PCDHGB7: variants seen among roughly 807,000 people sequenced by gnomAD.
The protein encoded by PCDHGB7 is protocadherin gamma subfamily B, 7.
A neutral mutation model predicts 61.4 loss-of-function variants in PCDHGB7; 37 were observed. The ratio of observed to expected loss-of-function variants is 0.60; its 90% CI spans 0.46 to 0.79. The LOEUF (loss-of-function observed/expected upper bound fraction) is 0.79, where lower values mean the gene tolerates loss of function less well. PCDHGB7 is among the 30% of genes least tolerant of loss of function. PCDHGB7 has a pLI of 0.00. For missense variants in PCDHGB7, 1,166 were observed against 1,202.5 expected (o/e 0.97, Z 0.45); for synonymous variants, 464 against 503.5 (o/e 0.92, Z 1.05).
rs1462731893 is a variant in PCDHGB7, at chr5:141,417,905, G to A, written c.46G>A (p.Val16Ile). The change falls in exon 1 of 4, where the codon GTA becomes ATA. Residue 16 changes from valine to isoleucine, a missense_variant. By Grantham distance (29) the Val-to-Ile change is conservative. Coordinates refer to ENST00000398594, the MANE Select transcript of PCDHGB7 (RefSeq NM_018927.4). ...AQRRRAGPRQ[V>I]LFPLLLPLFY... ...GAGGCGCCGGGCCGGCCCGCGGCAGGTACTATTTCCTTTGCTGCTGCCTTT... is the reference window on the plus strand; with the variant it reads ...GAGGCGCCGGGCCGGCCCGCGGCAGATACTATTTCCTTTGCTGCTGCCTTT... 1 of 1,593,646 alleles carries A rather than the reference G, an allele frequency of 6.3e-7. No homozygotes were observed. The highest frequency in any genetic ancestry group is 1.8e-5 in the Admixed American group (1 of 55,472).
Position 141,486,662 on chromosome 5 carries a change from C to T in PCDHGB7, c.2416-8145C>T. 6.2e-7 allele frequency: 1 copy of T among 1,613,970 alleles called. No homozygotes were observed. The highest frequency in any genetic ancestry group is 1.1e-5 in the South Asian group (1 of 91,086). ...GCTTATCTCCTACTCACTCCTGGAG[C>T]CCAGGAATCGAGATGTATCAGCTTC... On this transcript the variant is annotated intron_variant, in intron 1 of 3. Coordinates refer to ENST00000398594, the MANE Select transcript of PCDHGB7 (RefSeq NM_018927.4). The surrounding 1 kb of genome is among the most constrained non-coding windows in gnomAD (Gnocchi z 5.0).
In PCDHGB7 at chr5:141,438,327, A is replaced by G. The variant is rs369043587; in HGVS notation, c.2415+18053A>G. 1.5e-4 allele frequency among the ~76,000 whole-genome samples: 23 copies of G among 152,106 alleles called. No homozygotes were observed. The East Asian group carries it at 4.1e-3, about 27-fold the overall frequency. ...TTGGTACCACCATAATTTTTCTTAT[A>G]CATGTCATATAAGGATCTACTCTGT... On this transcript the variant is annotated intron_variant, in intron 1 of 3. Transcript: ENST00000398594.
chr5:141,464,519 A>G (rs974292961), intron 1 of PCDHGB7, among the ~76,000 whole-genome samples: 21 of 152,058 alleles, frequency 1.4e-4, no homozygotes, highest in African/African-American at 4.1e-4. Context: ...AGGTAAAGGC[A>G]TATGTAGTTT....
intron 1 of PCDHGB7, chr5:141,423,450 T>G (rs571358720): frequency 1.2e-6 from 2 of 1,614,050 alleles, no homozygotes; most frequent in East Asian, 4.5e-5. Flanking sequence ...CGTCACATTT[T>G]GTAGGCGTGG....
At position 141,419,674 on chromosome 5, in the gene PCDHGB7, C is replaced by T. The variant is rs372932653; in HGVS notation, c.1815C>T (p.Ser605=). ...DADSGHNAWL[S]YHVVQASEPG... is the part of the protein sequence containing the mutation. ...ACTCGGGGCACAATGCCTGGCTGTC[C>T]TACCACGTGGTGCAGGCCAGTGAGC... Residue 605 remains serine (S), a synonymous_variant, in exon 1 of 4, where the codon TCC becomes TCT. Transcript: ENST00000398594. The T allele has an allele frequency of 3.0e-5, 48 of 1,612,820 alleles. No homozygotes were observed. The highest frequency in any genetic ancestry group is 3.7e-5 in the Non-Finnish European group (44 of 1,179,700).
Position 141,485,741 on chromosome 5 carries a change from C to A in PCDHGB7, c.2416-9066C>A. 6.2e-7 allele frequency: 1 copy of A among 1,614,180 alleles called. No homozygotes were observed. Among genetic ancestry groups the A allele is most frequent in the Non-Finnish European group, 8.5e-7 (1 of 1,179,992 alleles). On this transcript the variant is annotated intron_variant, in intron 1 of 3. Coordinates refer to ENST00000398594, the MANE Select transcript of PCDHGB7 (RefSeq NM_018927.4). This position sits in a 1 kb window ranked among gnomAD's most constrained non-coding sequence, Gnocchi z 5.7. ...TGTGAAGAAGCGCAGCGACGGCAGC[C>A]TGGTCCCAGAGCTGCTCCTGGAGAA...
chr5:141,485,826 G>A lies in PCDHGB7; in HGVS notation c.2416-8981G>A. The A allele has an allele frequency of 6.2e-7, 1 of 1,614,070 alleles. No individual in the cohort carries two copies. Among genetic ancestry groups the A allele is most frequent in the South Asian group, 1.1e-5 (1 of 91,078 alleles). Reference sequence around the variant, plus strand: ...CTGGTGCTGACTGCTGTCGATGGAGGGAACCCGCCGAGATCTGGCACCGCA... The same window carrying A: ...CTGGTGCTGACTGCTGTCGATGGAGAGAACCCGCCGAGATCTGGCACCGCA... On this transcript the variant is annotated intron_variant, in intron 1 of 3. Transcript: ENST00000398594. The surrounding 1 kb of genome is among the most constrained non-coding windows in gnomAD (Gnocchi z 5.7).
chr5:141,441,789 A>G (rs889545483), intron 1 of PCDHGB7: 4 of 391,886 alleles, frequency 1.0e-5, no homozygotes, highest in Middle Eastern at 6.4e-4. Context: ...CCTGAATGAC[A>G]ACGCACCGCG....
At chr5:141,436,327 C>T (rs1384222077) in intron 1 of PCDHGB7, among the ~76,000 whole-genome samples, 1 of 152,098 alleles carries the variant, frequency 6.6e-6, no homozygotes, top group Admixed American at 6.5e-5. Flanking sequence ...ACTGTTAGAC[C>T]ATATCTCAAA....
Position 141,486,772 on chromosome 5 carries a change from T to A in PCDHGB7, c.2416-8035T>A. ...ATGAGCAAACCCAGACACTGCAGTT[T>A]GAGGTGCAGGCCCGGGATCGGGGCA... is the stretch of plus-strand genomic sequence containing the variant. On this transcript the variant is annotated intron_variant, in intron 1 of 3. Coordinates refer to ENST00000398594, the MANE Select transcript of PCDHGB7 (RefSeq NM_018927.4). The surrounding 1 kb of genome is among the most constrained non-coding windows in gnomAD (Gnocchi z 5.0). 1 of 1,614,246 alleles carries A rather than the reference T, an allele frequency of 6.2e-7. No homozygotes were observed. Among genetic ancestry groups the A allele is most frequent in the South Asian group, 1.1e-5 (1 of 91,088 alleles).
chr5:141,509,298 C>A (rs974744333), intron 3 of PCDHGB7, among the ~76,000 whole-genome samples: 1 of 152,180 alleles, frequency 6.6e-6, no homozygotes, highest in Non-Finnish European at 1.5e-5. Flanking sequence ...AGGGTGGAGG[C>A]AGAGGGAGGC....
chr5:141,492,064 C>T (rs1562152072), intron 1 of PCDHGB7: 3 of 484,366 alleles, frequency 6.2e-6, no homozygotes, highest in Non-Finnish European at 1.1e-5. Context: ...AGCCAGCCTC[C>T]TAGGCGCCGG....
chr5:141,508,979 G>A (rs1317798009), intron 3 of PCDHGB7, among the ~76,000 whole-genome samples: 1 of 152,110 alleles, frequency 6.6e-6, no homozygotes, highest in Non-Finnish European at 1.5e-5. Context: ...GCTGGGGGTG[G>A]GGGCCAGCTG....
chr5:141,483,589 G>A (rs189449393), intron 1 of PCDHGB7, among the ~76,000 whole-genome samples: 17 of 152,214 alleles, frequency 1.1e-4, no homozygotes, highest in Admixed American at 1.1e-3. Context: ...ACACCTAATA[G>A]GTCAGGCTGG....
At chr5:141,440,887 G>C (rs1423303973) in intron 1 of PCDHGB7, 4 of 152,206 alleles carry the variant, frequency 2.6e-5, no homozygotes, top group Non-Finnish European at 5.9e-5. Context: ...TCGGCCTTCA[G>C]GAAGATGTGC....
At chr5:141,508,961 A>C (rs991011427) in intron 3 of PCDHGB7, among the ~76,000 whole-genome samples, 2 of 151,978 alleles carry the variant, frequency 1.3e-5, no homozygotes, top group African/African-American at 4.8e-5. Context: ...TGTCAGCGGA[A>C]TGAAAGGGCT....
intron 1 of PCDHGB7, chr5:141,427,665 G>A (rs763897261): frequency 1.3e-5 from 10 of 782,298 alleles, no homozygotes; most frequent in Admixed American, 3.9e-5. Flanking sequence ...CCACGTGGCC[G>A]AAAACAACCT....
intron 1 of PCDHGB7, chr5:141,421,999 TC>T: frequency 9.9e-6 from 16 of 1,609,214 alleles, no homozygotes; most frequent in Non-Finnish European, 1.4e-5. Context: ...AAACATCAGC[TC>T]CGGAACTCGG....
In PCDHGB7 at chr5:141,477,868, C is replaced by T. The variant is rs1450078298; in HGVS notation, c.2416-16939C>T. 2 of 1,613,750 alleles carry T rather than the reference C, an allele frequency of 1.2e-6. No individual in the cohort carries two copies. Among genetic ancestry groups the T allele is most frequent in the Admixed American group, 3.3e-5 (2 of 59,988 alleles). On this transcript the variant is annotated intron_variant, in intron 1 of 3. Coordinates refer to ENST00000398594, the MANE Select transcript of PCDHGB7 (RefSeq NM_018927.4). This position sits in a 1 kb window ranked among gnomAD's most constrained non-coding sequence, Gnocchi z 4.9. ...CGGTGGAGATGCTGCCTCGAGGTAC[C>T]TCAGCTGGCCACCTAGTGTCACGGG...
Sources: allele counts gnomAD v4.1 joint callset (sites outside exome capture counted in the v4.1 genomes callset), GRCh38; gene constraint gnomAD v4.1.1; non-coding constraint Gnocchi (gnomAD v3.1); transcripts MANE v1.5; gene names NCBI Gene and HGNC (gene_info 2026-07-23, HGNC 2026-07-21).